The following KIAA1549 variants were observed in gnomAD, a reference collection of about 807,000 sequenced individuals.
KIAA1549 encodes KIAA1549.
KIAA1549 carries 70 observed loss-of-function variants against 156.4 expected under a neutral mutation model. The observed-to-expected ratio is 0.45, with a 90% CI of 0.37 to 0.55. The LOEUF (loss-of-function observed/expected upper bound fraction) is 0.55, where lower values mean the gene tolerates loss of function less well. Among genes scored for constraint, KIAA1549 ranks in the 20% least tolerant of loss-of-function variants. The pLI is 0.00. For missense variants in KIAA1549, 2,428 were observed against 2,540.9 expected (o/e 0.96, Z 0.96); for synonymous variants, 1,103 against 1,066.4 (o/e 1.03, Z -0.67).
At chr7:138,928,214 C>A (rs1234519259) in intron 1 of KIAA1549, among the ~76,000 whole-genome samples, 1 of 152,126 alleles carries the variant, frequency 6.6e-6, no homozygotes, top group Non-Finnish European at 1.5e-5. Flanking sequence ...AGCCACCACG[C>A]CCGGCCTACT....
At chr7:138,861,621 G>A (rs1442715167) in intron 15 of KIAA1549, among the ~76,000 whole-genome samples, 165 bp from the exon 16 acceptor site, 3 of 151,426 alleles carry the variant, frequency 2.0e-5, no homozygotes, top group Non-Finnish European at 2.9e-5. Flanking sequence ...GGGAGGCTGA[G>A]GTGGAGAAGC....
chr7:138,835,905 C>T lies in KIAA1549; in HGVS notation c.*2001G>A. 2 of 217,870 alleles carry T rather than the reference C, an allele frequency of 9.2e-6. No individual in the cohort carries two copies. The highest frequency in any genetic ancestry group is 9.2e-6 in the Non-Finnish European group (1 of 108,356). The allele number at this position is 217,870 out of a possible 1,614,324, so 13.5% of individuals were successfully genotyped here. On this transcript the variant is annotated 3_prime_UTR_variant, in exon 20 of 20. Coordinates refer to ENST00000422774, the MANE Select transcript of KIAA1549 (RefSeq NM_001164665.2). ...CTTGAGAGACTTACTCTCCTGCACT[C>T]CTTCTCTTTCAGAGGTGCCCAGATG...
At chr7:138,970,400 C>A (rs750597641) in intron 1 of KIAA1549, among the ~76,000 whole-genome samples, 1 of 152,242 alleles carries the variant, frequency 6.6e-6, no homozygotes, top group East Asian at 1.9e-4. Flanking sequence ...CAGCCAGGCA[C>A]CAGCTCAGCT....
chr7:138,930,837 C>T (rs1812847944), intron 1 of KIAA1549, among the ~76,000 whole-genome samples: 2 of 152,330 alleles, frequency 1.3e-5, no homozygotes, highest in South Asian at 2.1e-4. Context: ...TTTTCCTTTG[C>T]ATTCACAACT....
Position 138,981,219 on chromosome 7 carries a change from G to T in KIAA1549, c.51C>A (p.Pro17=). ...RRRGAAMEGK[P]RAGVALAPGP... is the part of the protein sequence containing the mutation. ...CCGGGGCCAGCGCGACCCCGGCGCGGGGCTTCCCCTCCATGGCCGCGCCTC... is the reference window on the plus strand; with the variant it reads ...CCGGGGCCAGCGCGACCCCGGCGCGTGGCTTCCCCTCCATGGCCGCGCCTC... The change falls in exon 1 of 20, where the codon CCC becomes CCA. Residue 17 remains proline, a synonymous_variant. Transcript: ENST00000422774. This position sits in a 1 kb window ranked among gnomAD's most constrained non-coding sequence, Gnocchi z 4.5. The T allele has an allele frequency of 2.0e-6, 2 of 1,009,342 alleles. No homozygotes were observed. The highest frequency in any genetic ancestry group is 2.4e-6 in the Non-Finnish European group (2 of 847,448). 62.5% of individuals were successfully genotyped at this position (1,009,342 alleles called of 1,614,324 possible). A position where few individuals can be genotyped will look rare whatever the true frequency, so the allele number is the denominator to read the frequency against.
chr7:138,923,419 G>A (rs186429701), intron 1 of KIAA1549, among the ~76,000 whole-genome samples: 12 of 152,188 alleles, frequency 7.9e-5, no homozygotes, highest in Non-Finnish European at 1.5e-4. Context: ...TGGCCAACAC[G>A]GTGAAACCCT....
chr7:138,831,909 T>C lies in KIAA1549; in HGVS notation c.*5997A>G. On this transcript the variant is annotated 3_prime_UTR_variant, in exon 20 of 20. Transcript: ENST00000422774. Reference sequence around the variant, plus strand: ...TTTCTGAAACAAGTCCTCTGGTGCTTAGAGCAACTGAATGAATGGGTGGAG... The same window carrying C: ...TTTCTGAAACAAGTCCTCTGGTGCTCAGAGCAACTGAATGAATGGGTGGAG... The C allele has an allele frequency of 4.3e-6, 1 of 233,002 alleles. No individual in the cohort carries two copies. The highest frequency in any genetic ancestry group is 8.5e-6 in the Non-Finnish European group (1 of 117,884). The allele number at this position is 233,002 out of a possible 1,614,324, so 14.4% of individuals were successfully genotyped here. A position where few individuals can be genotyped will look rare whatever the true frequency, so the allele number is the denominator to read the frequency against.
Position 138,834,191 on chromosome 7 carries a change from GCT to G in KIAA1549, c.*3713_*3714del, listed in dbSNP as rs1430050060. On this transcript the variant is annotated 3_prime_UTR_variant, in exon 20 of 20. Coordinates refer to ENST00000422774, the MANE Select transcript of KIAA1549 (RefSeq NM_001164665.2). Reference sequence around the variant, plus strand: ...TTTTTTCTTTTTGAGACACAGTCTTGCTCTGTCGCCCAGGTTGGAGTACAGTG... The same window carrying G: ...TTTTTTCTTTTTGAGACACAGTCTTGCTGTCGCCCAGGTTGGAGTACAGTG... 1.0e-5 allele frequency: 2 copies of G among 194,206 alleles called. No individual in the cohort carries two copies. Among genetic ancestry groups the G allele is most frequent in the African/African-American group, 4.6e-5 (2 of 43,146 alleles). 12.0% of individuals were successfully genotyped at this position (194,206 alleles called of 1,614,324 possible).
At chr7:138,900,320 C>G (rs1450534716) in intron 8 of KIAA1549, among the ~76,000 whole-genome samples, 1 of 152,218 alleles carries the variant, frequency 6.6e-6, no homozygotes, top group African/African-American at 2.4e-5. Context: ...AGAACTCCCT[C>G]CCTGACAACG....
At chr7:138,868,265 C>T (rs1428412126) in intron 14 of KIAA1549, 137 bp from the exon 15 acceptor site, 3 of 798,230 alleles carry the variant, frequency 3.8e-6, no homozygotes, top group East Asian at 2.7e-5. Flanking sequence ...ACGCCATGTA[C>T]GAGACAGTCT....
Position 138,981,033 on chromosome 7 carries a change from A to G in KIAA1549, c.187+50T>C, listed in dbSNP as rs1584799522. 8.3e-6 allele frequency: 10 copies of G among 1,208,988 alleles called. No individual in the cohort carries two copies. In the East Asian group the frequency reaches 3.3e-4, roughly 40 times the overall value. 74.9% of individuals were successfully genotyped at this position (1,208,988 alleles called of 1,614,324 possible). ...CCGGGGTTTTGAAAACAGCAGCGAT[A>G]AAGGCAGGCGGGGTCGCGGCCGCGT... is the stretch of plus-strand genomic sequence containing the variant. On this transcript the variant is annotated intron_variant, in intron 1 of 19. Transcript: ENST00000422774. This position sits in a 1 kb window ranked among gnomAD's most constrained non-coding sequence, Gnocchi z 4.5.
intron 11 of KIAA1549, 98 bp downstream of exon 11, chr7:138,881,290 C>A: frequency 8.2e-7 from 1 of 1,226,508 alleles, no homozygotes; most frequent in South Asian, 1.5e-5. Flanking sequence ...ACATGCAGGG[C>A]TGCGCTCACC....
At chr7:138,872,577 G>A (rs1563057812) in intron 12 of KIAA1549, among the ~76,000 whole-genome samples, 1 of 152,016 alleles carries the variant, frequency 6.6e-6, no homozygotes, top group Non-Finnish European at 1.5e-5. Context: ...AAATGAAGAC[G>A]GGCTGAGTAG....
rs1238221189 is a variant in KIAA1549, at chr7:138,833,264, T to G, written c.*4642A>C. The G allele has an allele frequency of 4.3e-6, 1 of 232,588 alleles. No homozygotes were observed. The highest frequency in any genetic ancestry group is 8.5e-6 in the Non-Finnish European group (1 of 117,750). The allele number at this position is 232,588 out of a possible 1,614,324, so 14.4% of individuals were successfully genotyped here. ...CTTTCCTTCCAAACGACAAATTCAT[T>G]CATGTCTGAGAATCTAGTGTGAAAG... On this transcript the variant is annotated 3_prime_UTR_variant, in exon 20 of 20. Coordinates refer to ENST00000422774, the MANE Select transcript of KIAA1549 (RefSeq NM_001164665.2).
At position 138,883,264 on chromosome 7, in the gene KIAA1549, C is replaced by T. The variant is rs558325885; in HGVS notation, c.4033-1680G>A. Among the ~76,000 whole-genome samples, 35 of 142,402 alleles carry T rather than the reference C, an allele frequency of 2.5e-4. No individual in the cohort carries two copies. The East Asian group carries it at 3.5e-3, about 14-fold the overall frequency. 93.4% of individuals were successfully genotyped at this position (142,402 alleles called of 152,430 possible). ...CTCCAGCCCAGGTGAAAGAGTAAGA[C>T]TCCATCTCAAAAAAAAAAAAAAAAA... is the stretch of plus-strand genomic sequence containing the variant. On this transcript the variant is annotated intron_variant, in intron 10 of 19. Transcript: ENST00000422774.
At chr7:138,951,564 G>A (rs988779037) in intron 1 of KIAA1549, among the ~76,000 whole-genome samples, 3 of 152,144 alleles carry the variant, frequency 2.0e-5, no homozygotes, top group Admixed American at 6.5e-5. Context: ...CTCCCCAATC[G>A]TGCTGGCTTA....
chr7:138,866,157 G>A (rs1168409162), intron 15 of KIAA1549, among the ~76,000 whole-genome samples: 1 of 152,158 alleles, frequency 6.6e-6, no homozygotes, highest in Non-Finnish European at 1.5e-5. Context: ...GAGGAAGACA[G>A]TAGTTTCATT....
At position 138,917,108 on chromosome 7, in the gene KIAA1549, T is replaced by G; in HGVS notation, c.2518A>C (p.Thr840Pro). 1 of 1,611,122 alleles carries G rather than the reference T, an allele frequency of 6.2e-7. No homozygotes were observed. The highest frequency in any genetic ancestry group is 8.5e-7 in the Non-Finnish European group (1 of 1,178,620). Residue 840 changes from threonine (T) to proline (P), a missense_variant, in exon 2 of 20, where the codon ACT (threonine) becomes CCT (proline). Physicochemically the swap from Thr to Pro is conservative, Grantham distance 38. Around this residue, in one of 5 missense-constraint regions of KIAA1549, gnomAD observed 762 missense variants for 901.6 expected, o/e 0.85. Coordinates refer to ENST00000422774, the MANE Select transcript of KIAA1549 (RefSeq NM_001164665.2). ...GATCCTGATGGCAGGTACGCGTCAGTGATCAACACCGTACCAGTGGGAATG... is the reference window on the plus strand; with the variant it reads ...GATCCTGATGGCAGGTACGCGTCAGGGATCAACACCGTACCAGTGGGAATG... ...KAIPTGTVLI[T>P]DAYLPSGSSF... is the part of the protein sequence containing the mutation.
At chr7:138,967,073 C>T (rs943655874) in intron 1 of KIAA1549, among the ~76,000 whole-genome samples, 2 of 152,134 alleles carry the variant, frequency 1.3e-5, no homozygotes, top group African/African-American at 4.8e-5. Flanking sequence ...ACACCTACCG[C>T]GGAGTAACAC....
Sources: gnomAD v4.1 joint callset for allele counts (sites outside exome capture counted in the v4.1 genomes callset) on GRCh38, gnomAD v4.1.1 for gene constraint, gnomAD v4.1.1 regional missense constraint, Gnocchi (gnomAD v3.1) non-coding constraint, MANE v1.5 for transcripts, NCBI Gene and HGNC (gene_info 2026-07-23, HGNC 2026-07-21) for gene names.